Variants in DCDC1 observed in about 807,000 individuals in gnomAD.
DCDC1 encodes the protein doublecortin domain-containing protein 1.
In DCDC1, 200 loss-of-function variants were observed where a neutral mutation model predicts 178.3. That is an observed-to-expected ratio of 1.12 (90% CI 1.00 to 1.26). DCDC1 has a LOEUF of 1.26. DCDC1 is among the 50% of genes most tolerant of loss of function. DCDC1 has a pLI of 0.00. For synonymous variants in DCDC1, 690 were observed against 604.8 expected (o/e 1.14, Z -2.07); for missense variants, 1,983 against 1,749.2 (o/e 1.13, Z -2.38).
chr11:31,354,078 G>A (rs550776538), intron 1 of DCDC1, among the ~76,000 whole-genome samples: 1 of 152,304 alleles, frequency 6.6e-6, no homozygotes, highest in Non-Finnish European at 1.5e-5. Flanking sequence ...ACGAGGTCAA[G>A]AGATAGAGAC....
chr11:31,139,069 C>T (rs1963506855), intron 9 of DCDC1, among the ~76,000 whole-genome samples: 1 of 152,102 alleles, frequency 6.6e-6, no homozygotes, highest in Non-Finnish European at 1.5e-5. Context: ...AATTACTTGA[C>T]TCTGCCATTG....
chr11:31,164,701 T>C (rs896531238), intron 9 of DCDC1, among the ~76,000 whole-genome samples: 6 of 152,190 alleles, frequency 3.9e-5, no homozygotes, highest in South Asian at 2.1e-4. Flanking sequence ...AAAAAGTTTA[T>C]AAAGTAAAAA....
intron 1 of DCDC1, among the ~76,000 whole-genome samples, chr11:31,360,222 C>T (rs1433844638): frequency 1.3e-5 from 2 of 152,112 alleles, no homozygotes; most frequent in African/African-American, 4.8e-5. Context: ...AACAATGCCA[C>T]AGTTAGACAG....
At position 30,989,673 on chromosome 11, in the gene DCDC1, A is replaced by T. The variant is rs185789267; in HGVS notation, c.2592-37105T>A. Among the ~76,000 whole-genome samples the T allele has an allele frequency of 2.0e-5, 3 of 152,310 alleles. No homozygotes were observed. The East Asian group carries it at 5.8e-4, about 29-fold the overall frequency. On this transcript the variant is annotated intron_variant, in intron 20 of 38. Transcript: ENST00000684477. ...CAGGCAGAGTGAATTATTTCTGCTC[A>T]AATCCATTCAATAATGTATTTATAG... is the stretch of plus-strand genomic sequence containing the variant.
At chr11:31,246,692 G>A (rs1943591519) in intron 8 of DCDC1, among the ~76,000 whole-genome samples, 1 of 151,980 alleles carries the variant, frequency 6.6e-6, no homozygotes, top group Non-Finnish European at 1.5e-5. Context: ...CCATTCAAAA[G>A]CATGGTCTGC....
At chr11:31,088,931 C>A (rs193219728) in intron 17 of DCDC1, among the ~76,000 whole-genome samples, 1 of 152,148 alleles carries the variant, frequency 6.6e-6, no homozygotes, top group South Asian at 2.1e-4. Flanking sequence ...AATTCCTGGG[C>A]TCAAGTGATC....
chr11:30,899,420 ATATAT>A (rs1944488093), intron 34 of DCDC1, 116 bp downstream of exon 34: 2 of 53,602 alleles, frequency 3.7e-5, no homozygotes, highest in East Asian at 2.5e-4. Context: ...AACAATATTT[ATATAT>A]TGTTTTATAT....
chr11:31,241,309 T>C (rs1379669538), intron 9 of DCDC1, 141 bp downstream of exon 9: 4 of 382,984 alleles, frequency 1.0e-5, no homozygotes, highest in Non-Finnish European at 1.8e-5. Flanking sequence ...AGAAACAGCA[T>C]TTTTGGCTCC....
chr11:30,888,648 C>T (rs933844578), intron 36 of DCDC1, among the ~76,000 whole-genome samples: 7 of 151,882 alleles, frequency 4.6e-5, no homozygotes, highest in Non-Finnish European at 1.0e-4. Context: ...ACCCAGGAGG[C>T]GGAGGTTTCA....
In DCDC1 at chr11:31,307,912, G is replaced by A; in HGVS notation, c.165-4C>T. On this transcript the variant is annotated splice_polypyrimidine_tract_variant and splice_region_variant and intron_variant, in intron 3 of 38. Transcript: ENST00000684477. ...TGCCTGGGATGACATAAACTCTCTGGAAGAAACAATGCATGGAAGAATACA... is the reference window on the plus strand; with the variant it reads ...TGCCTGGGATGACATAAACTCTCTGAAAGAAACAATGCATGGAAGAATACA... 1 of 1,613,704 alleles carries A rather than the reference G, an allele frequency of 6.2e-7. No individual in the cohort carries two copies. Among genetic ancestry groups the A allele is most frequent in the Non-Finnish European group, 8.5e-7 (1 of 1,179,764 alleles).
In DCDC1 at chr11:30,894,460, T is replaced by C. The variant is rs917049584; in HGVS notation, c.4766-76A>G. ...TTTCAAATAAACTGATTTGGCTCTC[T>C]ATGTATAAATCGTTCCACACAGGAG... is the stretch of plus-strand genomic sequence containing the variant. On this transcript the variant is annotated intron_variant, in intron 34 of 38. Transcript: ENST00000684477. 3.2e-6 allele frequency: 5 copies of C among 1,570,974 alleles called. No homozygotes were observed. In the Admixed American group the frequency reaches 5.7e-5, roughly 18 times the overall value.
intron 17 of DCDC1, among the ~76,000 whole-genome samples, chr11:31,081,418 G>A (rs1017931880): frequency 1.3e-5 from 2 of 152,090 alleles, no homozygotes; most frequent in African/African-American, 4.8e-5. Flanking sequence ...GATCATCCTG[G>A]CTAACATGGT....
At chr11:31,068,381 A>C (rs1956371919) in intron 18 of DCDC1, among the ~76,000 whole-genome samples, 1 of 152,168 alleles carries the variant, frequency 6.6e-6, no homozygotes, top group Non-Finnish European at 1.5e-5. Context: ...ACTCCCTTTG[A>C]CTTAACAAAC....
chr11:31,067,216 G>A (rs1370779156), intron 18 of DCDC1, among the ~76,000 whole-genome samples: 1 of 151,700 alleles, frequency 6.6e-6, no homozygotes, highest in African/African-American at 2.4e-5. Context: ...ATGTGTATCT[G>A]GAATATATAA....
intron 7 of DCDC1, among the ~76,000 whole-genome samples, chr11:31,275,573 C>T (rs554980489): frequency 7.9e-5 from 12 of 152,062 alleles, no homozygotes; most frequent in African/African-American, 2.2e-4. Context: ...GGCTTGATCT[C>T]GGCTCACTGC....
intron 37 of DCDC1, among the ~76,000 whole-genome samples, chr11:30,879,456 T>G (rs1942444805): frequency 6.6e-6 from 1 of 152,202 alleles, no homozygotes. Context: ...AAATCAGACT[T>G]TCTGCGATCA....
intron 20 of DCDC1, among the ~76,000 whole-genome samples, chr11:31,019,019 C>T (rs1952685642): frequency 6.6e-6 from 1 of 152,064 alleles, no homozygotes; most frequent in Non-Finnish European, 1.5e-5. Flanking sequence ...AAGGGAGATG[C>T]TTCAGTGGGA....
intron 1 of DCDC1, among the ~76,000 whole-genome samples, chr11:31,345,365 C>T (rs1236647071): frequency 1.3e-5 from 2 of 152,046 alleles, no homozygotes; most frequent in Non-Finnish European, 2.9e-5. Flanking sequence ...GGGCTAGAAA[C>T]GTTATGTATA....
At chr11:31,082,162 C>G (rs1283155032) in intron 17 of DCDC1, among the ~76,000 whole-genome samples, 2 of 152,122 alleles carry the variant, frequency 1.3e-5, no homozygotes, top group Admixed American at 6.5e-5. Flanking sequence ...TATATTCCAT[C>G]CAAGAATCAG....
Sources: allele counts gnomAD v4.1 joint callset (sites outside exome capture counted in the v4.1 genomes callset), GRCh38; gene constraint gnomAD v4.1.1; transcripts MANE v1.5; gene names NCBI Gene and HGNC (gene_info 2026-07-23, HGNC 2026-07-21).